The following SLIRP variants were observed in gnomAD, a reference collection of about 807,000 sequenced individuals.
SLIRP encodes the protein SRA stem-loop-interacting RNA-binding protein, mitochondrial.
In SLIRP, 12 loss-of-function variants were observed where a neutral mutation model predicts 13.4. The observed-to-expected ratio is 0.89, with a 90% confidence interval of 0.57 to 1.45. SLIRP has a LOEUF of 1.45. SLIRP is among the 40% of genes most tolerant of loss of function. SLIRP has a pLI of 0.00. For missense variants in SLIRP, 154 were observed against 132.2 expected, an observed-to-expected ratio of 1.17 and a Z score of -0.81; for synonymous variants, 55 against 47.1, an observed-to-expected ratio of 1.17 and a Z score of -0.69.
chr14:77,716,711 A>G (rs2080485568), intron 3 of SLIRP, among the ~76,000 whole-genome samples: 1 of 151,682 alleles, frequency 6.6e-6, no homozygotes, highest in African/African-American at 2.4e-5. Context: ...GGAAAGTACA[A>G]GATGACCCTT....
Position 77,715,819 on chromosome 14 carries a change from T to C in SLIRP, c.204T>C (p.Ser68=), listed in dbSNP as rs2080472361. The change falls in exon 3 of 4, where the codon TCT becomes TCC. Residue 68 remains serine (S), a synonymous_variant. Transcript: ENST00000557342. The stretch of plus-strand genomic sequence containing the variant: ...GAGGTTTGGGTTGGGTTCAGTTTTC[T>C]TCAGAAGAAGGACTTCGGAATGCAC... ...FHRGLGWVQF[S]SEEGLRNALQ... 1 of 1,614,168 alleles carries C rather than the reference T, an allele frequency of 6.2e-7. No individual in the cohort carries two copies.
intron 1 of SLIRP, among the ~76,000 whole-genome samples, chr14:77,708,782 G>A (rs2080416704): frequency 6.6e-6 from 1 of 152,208 alleles, no homozygotes; most frequent in African/African-American, 2.4e-5. Flanking sequence ...AGTAAAGTTT[G>A]AATGTGTTGA....
intron 2 of SLIRP, among the ~76,000 whole-genome samples, chr14:77,713,892 T>C (rs1373367471): frequency 6.6e-6 from 1 of 152,314 alleles, no homozygotes; most frequent in South Asian, 2.1e-4. Flanking sequence ...ATAAATAAAA[T>C]AGGACCTGCA....
intron 2 of SLIRP, 52 bp from the exon 3 acceptor site, chr14:77,715,720 G>A (rs949808330): frequency 1.4e-6 from 2 of 1,479,320 alleles, no homozygotes; most frequent in African/African-American, 1.4e-5. Context: ...TGGAACTCAT[G>A]GAAACTTTCT....
At chr14:77,708,408 C>G (rs900310586) in intron 1 of SLIRP, among the ~76,000 whole-genome samples, 200 bp downstream of exon 1, 1 of 152,178 alleles carries the variant, frequency 6.6e-6, no homozygotes, top group Non-Finnish European at 1.5e-5. Context: ...ACGAATGCAC[C>G]GGCTCTTGCC....
intron 3 of SLIRP, among the ~76,000 whole-genome samples, chr14:77,716,663 A>T (rs2080484482): frequency 7.2e-6 from 1 of 138,708 alleles, no homozygotes; most frequent in South Asian, 2.4e-4. Context: ...AAAAAAAAAA[A>T]ATGGGGGGTG....
At chr14:77,710,580 A>G (rs1042684353) in intron 1 of SLIRP, 19 of 1,477,368 alleles carry the variant, frequency 1.3e-5, no homozygotes, top group Non-Finnish European at 1.4e-5. Flanking sequence ...TAGCACAGTA[A>G]CTGGTATGAA....
chr14:77,710,641 T>C, intron 1 of SLIRP, 197 bp from the exon 2 acceptor site: 1 of 1,525,792 alleles, frequency 6.6e-7, no homozygotes, highest in Non-Finnish European at 8.8e-7. Flanking sequence ...CAACAACTTC[T>C]CTGTCCATCT....
At chr14:77,710,203 G>T (rs1405985942) in intron 1 of SLIRP, among the ~76,000 whole-genome samples, 1 of 152,140 alleles carries the variant, frequency 6.6e-6, no homozygotes, top group Non-Finnish European at 1.5e-5. Flanking sequence ...TGTGATAGGA[G>T]CCCAATAAAG....
intron 2 of SLIRP, among the ~76,000 whole-genome samples, chr14:77,711,344 A>T (rs1182381593): frequency 6.6e-6 from 1 of 151,932 alleles, no homozygotes; most frequent in Admixed American, 6.6e-5. Flanking sequence ...AAAAATTCTT[A>T]TCTTGCAACA....
intron 1 of SLIRP, among the ~76,000 whole-genome samples, chr14:77,709,152 AG>A (rs1333557120): frequency 6.6e-6 from 1 of 152,208 alleles, no homozygotes; most frequent in African/African-American, 2.4e-5. Context: ...CTACAGATAA[AG>A]GTTGGAATAA....
At chr14:77,710,814 T>G (rs761623563) in intron 1 of SLIRP, 24 bp from the exon 2 acceptor site, 2 of 1,613,982 alleles carry the variant, frequency 1.2e-6, no homozygotes, top group Non-Finnish European at 1.7e-6. Context: ...GTAACTACTT[T>G]TAATGTTTTC....
intron 2 of SLIRP, chr14:77,711,957 T>G (rs1230752605): frequency 1.3e-5 from 2 of 152,490 alleles, no homozygotes; most frequent in Non-Finnish European, 2.9e-5. Flanking sequence ...AGTGCTGGGA[T>G]TACAGGCGTG....
rs575744264 is a variant in SLIRP at position 77,708,295 on chromosome 14, C to T, written c.97+87C>T. On this transcript the variant is annotated intron_variant, in intron 1 of 3. Transcript: ENST00000557342. Reference sequence around the variant, plus strand: ...GCTTTTTGCAGGGTACTTAAGTCAGCGTGGTGGCTGAATTAGGAGACTGCT... The same window carrying T: ...GCTTTTTGCAGGGTACTTAAGTCAGTGTGGTGGCTGAATTAGGAGACTGCT... 1.2e-3 allele frequency: 1,675 copies of T among 1,349,990 alleles called. 8 individuals are homozygous for T. The highest frequency in any genetic ancestry group is 1.6e-3 in the Non-Finnish European group (1,531 of 952,742). The allele number at this position is 1,349,990 out of a possible 1,614,324, so 83.6% of individuals were successfully genotyped here.
Position 77,717,516 on chromosome 14 carries a change from G to C in SLIRP, c.285G>C (p.Arg95Ser). ...TTAAGGTCCAGGTTCACACTAGAAG[G>C]CCAAAACTTCCGCAAACATCTGATG... Reference protein sequence around the residue: ...DGVKVQVHTRRPKLPQTSDDE... With the variant: ...DGVKVQVHTRSPKLPQTSDDE... The change falls in exon 4 of 4, where the codon AGG becomes AGC. Residue 95 changes from arginine to serine, a missense_variant. Physicochemically the swap from Arg to Ser is moderately radical, Grantham distance 110. Coordinates refer to ENST00000557342, the MANE Select transcript of SLIRP (RefSeq NM_031210.6). 1 of 1,613,992 alleles carries C rather than the reference G, an allele frequency of 6.2e-7. No homozygotes were observed.
upstream of SLIRP, chr14:77,708,071 G>A: frequency 1.9e-6 from 3 of 1,610,418 alleles, no homozygotes; most frequent in South Asian, 1.1e-5. Context: ...AATTTTTTCC[G>A]GGGCCGCGAC....
intron 3 of SLIRP, chr14:77,716,186 G>T (rs1180837164): frequency 2.7e-5 from 5 of 186,090 alleles, no homozygotes; most frequent in Non-Finnish European, 5.6e-5. Context: ...CAAGGTGGCG[G>T]GCGCCTGTAG....
Position 77,717,318 on chromosome 14 carries a change from A to G in SLIRP, c.265-178A>G, listed in dbSNP as rs78507268. 2.6e-4 allele frequency among the ~76,000 whole-genome samples: 39 copies of G among 152,328 alleles called. 1 individual carries two copies. In the East Asian group the frequency reaches 7.5e-3, roughly 29 times the overall value. The stretch of plus-strand genomic sequence containing the variant: ...TACAATTTTTAATTGAGGGTTAGGG[A>G]GTCATAATACCAACAAAGATGGTAA... On this transcript the variant is annotated intron_variant, in intron 3 of 3. Coordinates refer to ENST00000557342, the MANE Select transcript of SLIRP (RefSeq NM_031210.6).
chr14:77,708,314 G>C, intron 1 of SLIRP, 106 bp downstream of exon 1: 2 of 1,113,456 alleles, frequency 1.8e-6, no homozygotes, highest in Non-Finnish European at 2.7e-6. Context: ...TGAATTAGGA[G>C]ACTGCTCCTG....
Sources: allele counts gnomAD v4.1 joint callset (sites outside exome capture counted in the v4.1 genomes callset), GRCh38; gene constraint gnomAD v4.1.1; transcripts MANE v1.5; gene names NCBI Gene and HGNC (gene_info 2026-07-23, HGNC 2026-07-21).